Variants in DNER observed in about 807,000 individuals in gnomAD.
The protein encoded by DNER is delta and Notch-like epidermal growth factor-related receptor.
Under a neutral mutation model 78.2 loss-of-function variants are expected in DNER, and 33 were observed. That is an observed-to-expected ratio of 0.42 (90% confidence interval 0.32 to 0.56). The LOEUF is 0.56. Among genes scored for constraint, DNER ranks in the 20% least tolerant of loss-of-function variants. The probability of loss-of-function intolerance (pLI) is 0.11; values close to 1 mark genes in which losing one functional copy is unlikely to be tolerated. For synonymous variants in DNER, 417 were observed against 384.8 expected, an observed-to-expected ratio of 1.08 and a Z score of -0.98; for missense variants, 918 against 975.3, an observed-to-expected ratio of 0.94 and a Z score of 0.78.
chr2:229,592,368 A>T (rs1398947682), intron 1 of DNER, among the ~76,000 whole-genome samples: 4 of 152,172 alleles, frequency 2.6e-5, no homozygotes, highest in Non-Finnish European at 1.5e-5. Context: ...TGTATCTCTC[A>T]ATTTCCTAAC....
intron 1 of DNER, among the ~76,000 whole-genome samples, chr2:229,690,114 G>C (rs1699543977): frequency 6.6e-6 from 1 of 152,206 alleles, no homozygotes; most frequent in South Asian, 2.1e-4. Context: ...AGGCGTAGCT[G>C]CCCTTTAGAA....
chr2:229,600,000 C>T (rs556040496), intron 1 of DNER, among the ~76,000 whole-genome samples: 3 of 152,184 alleles, frequency 2.0e-5, no homozygotes, highest in Non-Finnish European at 4.4e-5. Context: ...TAAGCAGCAG[C>T]ATCAGTCAGG....
intron 1 of DNER, among the ~76,000 whole-genome samples, chr2:229,640,694 C>T (rs906906505): frequency 2.6e-5 from 4 of 152,306 alleles, no homozygotes; most frequent in Non-Finnish European, 4.4e-5. Context: ...GAGGCAACAT[C>T]AGGAAGTAAA....
At position 229,609,139 on chromosome 2, in the gene DNER, C is replaced by T. The variant is rs189462733; in HGVS notation, c.277-17251G>A. On this transcript the variant is annotated intron_variant, in intron 1 of 12. Transcript: ENST00000341772. ...TTGGGAGGCTGAGGCAGGAGAATCA[C>T]GTGAACCCAGGAGGCAGAGGTTGCA... Among the ~76,000 whole-genome samples, 98 of 152,296 alleles carry T rather than the reference C, an allele frequency of 6.4e-4. 2 individuals carry two copies. In the East Asian group the frequency reaches 0.017, roughly 26 times the overall value.
chr2:229,416,212 G>A (rs1693648150), intron 9 of DNER, among the ~76,000 whole-genome samples: 1 of 152,186 alleles, frequency 6.6e-6, no homozygotes, highest in Non-Finnish European at 1.5e-5. Flanking sequence ...ATTCTCTCAT[G>A]CACTAGTTCC....
chr2:229,714,178 G>A lies in DNER; in HGVS notation c.246C>T (p.Cys82=). The change falls in exon 1 of 13, where the codon TGC becomes TGT. Residue 82 remains cysteine, a synonymous_variant. Transcript: ENST00000341772. The part of the protein sequence containing the change: ...PAGEPGYSCT[C]PAGISGANCQ... ...AGTTGGCGCCGGAGATCCCGGCGGG[G>A]CAGGTGCAGCTGTAGCCAGGCTCGC... 2 of 1,341,534 alleles carry A rather than the reference G, an allele frequency of 1.5e-6. No individual in the cohort carries two copies. Among genetic ancestry groups the A allele is most frequent in the Non-Finnish European group, 1.9e-6 (2 of 1,051,746 alleles). 83.1% of individuals were successfully genotyped at this position (1,341,534 alleles called of 1,614,324 possible).
In DNER at chr2:229,397,499, T is replaced by C. The variant is rs369107680; in HGVS notation, c.1724-9103A>G. Among the ~76,000 whole-genome samples the C allele has an allele frequency of 1.4e-4, 18 of 127,902 alleles. No individual in the cohort carries two copies. In the East Asian group the frequency reaches 3.8e-3, roughly 27 times the overall value. 83.9% of individuals were successfully genotyped at this position (127,902 alleles called of 152,430 possible). On this transcript the variant is annotated intron_variant, in intron 10 of 12. Coordinates refer to ENST00000341772, the MANE Select transcript of DNER (RefSeq NM_139072.4). ...AAAAAACTGCAAGTCCCCTCACCCATGCCACCAAAGGCCGAGTGGAGAGCA... is the reference window on the plus strand; with the variant it reads ...AAAAAACTGCAAGTCCCCTCACCCACGCCACCAAAGGCCGAGTGGAGAGCA...
At chr2:229,367,945 C>A (rs1310244694) in intron 11 of DNER, among the ~76,000 whole-genome samples, 2 of 152,182 alleles carry the variant, frequency 1.3e-5, no homozygotes, top group Non-Finnish European at 2.9e-5. Flanking sequence ...ATGTTATCAC[C>A]TATTCCATAT....
intron 4 of DNER, among the ~76,000 whole-genome samples, chr2:229,575,873 A>T (rs1213251499): frequency 2.6e-5 from 4 of 152,222 alleles, no homozygotes; most frequent in Non-Finnish European, 5.9e-5. Flanking sequence ...GTAATAGAAG[A>T]TCAAAAAGAA....
intron 1 of DNER, among the ~76,000 whole-genome samples, chr2:229,659,205 T>C (rs1195631802): frequency 1.3e-5 from 2 of 152,128 alleles, no homozygotes; most frequent in Non-Finnish European, 2.9e-5. Flanking sequence ...TGGAAAACAT[T>C]AGACTTCAGT....
chr2:229,603,831 C>T (rs1220943291), intron 1 of DNER, among the ~76,000 whole-genome samples: 1 of 151,934 alleles, frequency 6.6e-6, no homozygotes, highest in Admixed American at 6.6e-5. Context: ...TTTAAAACAC[C>T]TACCATATAC....
chr2:229,557,466 G>A (rs17677461), intron 4 of DNER, among the ~76,000 whole-genome samples: 12,575 of 152,254 alleles, frequency 0.083, 706 homozygotes, highest in East Asian at 0.16. Context: ...ATGCATTTAC[G>A]AAGCTGTTTG....
rs144125178 is a variant in DNER, at chr2:229,559,104, G to A, written c.848-12012C>T. Among the ~76,000 whole-genome samples, 4 of 152,308 alleles carry A rather than the reference G, an allele frequency of 2.6e-5. No homozygotes were observed. In the East Asian group the frequency reaches 7.7e-4, roughly 29 times the overall value. Reference sequence around the variant, plus strand: ...GATAGTTTAGGCAACTTTGTGGGGGGTGTGGTGGTAGGCAAGTGAATCAAG... The same window carrying A: ...GATAGTTTAGGCAACTTTGTGGGGGATGTGGTGGTAGGCAAGTGAATCAAG... On this transcript the variant is annotated intron_variant, in intron 4 of 12. Coordinates refer to ENST00000341772, the MANE Select transcript of DNER (RefSeq NM_139072.4).
intron 1 of DNER, among the ~76,000 whole-genome samples, chr2:229,712,569 C>T (rs1164078896): frequency 6.6e-6 from 1 of 152,198 alleles, no homozygotes; most frequent in Non-Finnish European, 1.5e-5. Context: ...TGGACACACT[C>T]AGACAATTCA....
intron 6 of DNER, among the ~76,000 whole-genome samples, chr2:229,488,844 T>C (rs1695334039): frequency 6.6e-6 from 1 of 152,142 alleles, no homozygotes; most frequent in South Asian, 2.1e-4. Context: ...AAGAAAGTGG[T>C]GATTGGACTC....
At chr2:229,673,616 T>C (rs1220031696) in intron 1 of DNER, among the ~76,000 whole-genome samples, 3 of 152,144 alleles carry the variant, frequency 2.0e-5, no homozygotes, top group Non-Finnish European at 4.4e-5. Flanking sequence ...TGTGTTCCAG[T>C]GCACACTGTT....
intron 1 of DNER, among the ~76,000 whole-genome samples, chr2:229,609,040 T>A (rs1001957829): frequency 6.6e-6 from 1 of 152,120 alleles, no homozygotes; most frequent in African/African-American, 2.4e-5. Flanking sequence ...CTGGCCAACA[T>A]GGTGAAACCC....
intron 1 of DNER, among the ~76,000 whole-genome samples, chr2:229,610,327 G>A (rs1698023037): frequency 1.3e-5 from 2 of 152,202 alleles, no homozygotes; most frequent in Admixed American, 6.5e-5. Context: ...GGACACGGTA[G>A]AAGAGAACGG....
chr2:229,525,567 CATTTT>C (rs1559157265), intron 5 of DNER, among the ~76,000 whole-genome samples: 1 of 152,118 alleles, frequency 6.6e-6, no homozygotes, highest in Non-Finnish European at 1.5e-5. Flanking sequence ...AAACACTTTG[CATTTT>C]ATTTCTATAG....
Sources: allele counts gnomAD v4.1 joint callset (sites outside exome capture counted in the v4.1 genomes callset), GRCh38; gene constraint gnomAD v4.1.1; transcripts MANE v1.5; gene names NCBI Gene and HGNC (gene_info 2026-07-23, HGNC 2026-07-21).